The following SPIRE1 variants were observed in gnomAD, a reference collection of about 807,000 sequenced individuals.
SPIRE1 encodes protein spire homolog 1.
A neutral mutation model predicts 94.1 loss-of-function variants in SPIRE1; 40 were observed. That is an observed-to-expected ratio of 0.43 (90% CI 0.33 to 0.55). The LOEUF is 0.55. Among genes scored for constraint, SPIRE1 ranks in the 20% least tolerant of loss-of-function variants. The pLI, the probability that SPIRE1 is intolerant of heterozygous loss-of-function variation, is 0.06. For missense variants in SPIRE1, 838 were observed against 975.2 expected (o/e 0.86, Z 1.87); for synonymous variants, 376 against 371.7 (o/e 1.01, Z -0.13).
rs972017470 is a variant in SPIRE1 at position 12,575,678 on chromosome 18, G to A, written c.373-28774C>T. Among the ~76,000 whole-genome samples, 50 of 152,318 alleles carry A rather than the reference G, an allele frequency of 3.3e-4. 1 individual carries two copies. The highest frequency in any genetic ancestry group is 2.1e-4 in the South Asian group (1 of 4,828). On this transcript the variant is annotated intron_variant, in intron 2 of 16. Transcript: ENST00000409402. Reference sequence around the variant, plus strand: ...TTTATTAAGTGGTAAATAAGCATATGTATTTGCATCTGCATAAGAGTTACT... The same window carrying A: ...TTTATTAAGTGGTAAATAAGCATATATATTTGCATCTGCATAAGAGTTACT...
chr18:12,641,832 CTTTT>C (rs576748359), intron 1 of SPIRE1, among the ~76,000 whole-genome samples: 3 of 125,126 alleles, frequency 2.4e-5, no homozygotes, highest in Admixed American at 8.3e-5. Flanking sequence ...GAATGTTATG[CTTTT>C]TTTTTTTTTT....
intron 10 of SPIRE1, among the ~76,000 whole-genome samples, chr18:12,476,134 T>C (rs1184100329): frequency 6.6e-6 from 1 of 152,218 alleles, no homozygotes; most frequent in Non-Finnish European, 1.5e-5. Flanking sequence ...GTCTCATCAA[T>C]AGAAAGTTTA....
At chr18:12,615,387 A>G (rs61635631) in intron 2 of SPIRE1, among the ~76,000 whole-genome samples, 13,290 of 102,240 alleles carry the variant, frequency 0.13, 1,073 homozygotes, top group East Asian at 0.19. Context: ...TGTATATAAA[A>G]AAAATAGCTA....
chr18:12,643,236 G>A (rs1238481132), intron 1 of SPIRE1, among the ~76,000 whole-genome samples: 1 of 152,128 alleles, frequency 6.6e-6, no homozygotes, highest in Non-Finnish European at 1.5e-5. Flanking sequence ...TTTGTAAACT[G>A]GGTTGATTTG....
At chr18:12,577,804 T>C (rs528429734) in intron 2 of SPIRE1, among the ~76,000 whole-genome samples, 1 of 152,252 alleles carries the variant, frequency 6.6e-6, no homozygotes. Context: ...TTTACATATA[T>C]GTGTATTTAT....
intron 2 of SPIRE1, among the ~76,000 whole-genome samples, chr18:12,614,680 C>T (rs1004253872): frequency 2.5e-4 from 38 of 151,586 alleles, no homozygotes; most frequent in Admixed American, 9.2e-4. Context: ...TAGCCGGGCA[C>T]GGTCACGGGC....
chr18:12,454,081 C>G (rs914130364), intron 13 of SPIRE1, among the ~76,000 whole-genome samples: 17 of 152,150 alleles, frequency 1.1e-4, no homozygotes, highest in Non-Finnish European at 2.1e-4. Context: ...CCATGCCTGG[C>G]CACATGCATG....
chr18:12,523,911 A>T (rs1598434482), intron 4 of SPIRE1, among the ~76,000 whole-genome samples: 2 of 152,186 alleles, frequency 1.3e-5, no homozygotes, highest in South Asian at 4.1e-4. Flanking sequence ...CTCTAGTCTC[A>T]AACTCCTAGG....
chr18:12,591,968 C>CAAAAAAAAAAAAAA (rs35668057), intron 2 of SPIRE1, among the ~76,000 whole-genome samples: 15 of 67,444 alleles, frequency 2.2e-4, no homozygotes, highest in African/African-American at 8.0e-4. Context: ...GACTCCATCT[C>CAAAAAAAAAAAAAA]AAAAAAAAAA....
At chr18:12,508,873 T>C (rs528127176) in intron 5 of SPIRE1, among the ~76,000 whole-genome samples, 1 of 152,216 alleles carries the variant, frequency 6.6e-6, no homozygotes, top group Non-Finnish European at 1.5e-5. Flanking sequence ...ACAGGTTTCG[T>C]CATGTTGGCC....
chr18:12,491,971 A>T (rs954541470), intron 8 of SPIRE1, among the ~76,000 whole-genome samples: 2 of 152,200 alleles, frequency 1.3e-5, no homozygotes, highest in Non-Finnish European at 2.9e-5. Flanking sequence ...CATTGGGAAA[A>T]CAAAATGCAA....
chr18:12,449,697 T>C lies in SPIRE1; in HGVS notation c.2212A>G (p.Met738Val), dbSNP rs376041494. 1.3e-4 allele frequency: 216 copies of C among 1,614,068 alleles called. No homozygotes were observed. Among genetic ancestry groups the C allele is most frequent in the Admixed American group, 6.0e-4 (36 of 59,998 alleles). The change falls in exon 17 of 17, where the codon ATG (methionine) becomes GTG (valine). Residue 738 changes from methionine (M) to valine (V), a missense_variant. Met to Val is a conservative substitution (Grantham distance 21). Around this residue, in one of 2 missense-constraint regions of SPIRE1, gnomAD observed 645 missense variants for 804.7 expected, o/e 0.80. Coordinates refer to ENST00000409402, the MANE Select transcript of SPIRE1 (RefSeq NM_001128626.2). Reference protein sequence around the residue: ...RLKRKTQSFYMSSPGPSEYCP... With the variant: ...RLKRKTQSFYVSSPGPSEYCP... ...TACTCCGAGGGGCCTGGCGAGGACA[T>C]GTAGAAAGACTGCGTTTTCCTTTTC...
chr18:12,477,601 T>C (rs1173313937), intron 10 of SPIRE1, among the ~76,000 whole-genome samples: 1 of 151,978 alleles, frequency 6.6e-6, no homozygotes, highest in Non-Finnish European at 1.5e-5. Context: ...GAGAAATAAG[T>C]GAATAATTAC....
At chr18:12,498,317 GA>G (rs1310513901) in intron 6 of SPIRE1, among the ~76,000 whole-genome samples, 1 of 152,168 alleles carries the variant, frequency 6.6e-6, no homozygotes, top group Non-Finnish European at 1.5e-5. Flanking sequence ...ATGATTCCTG[GA>G]TGAACACAAA....
chr18:12,497,060 T>C (rs1282651160), intron 6 of SPIRE1, among the ~76,000 whole-genome samples: 1 of 151,668 alleles, frequency 6.6e-6, no homozygotes, highest in Non-Finnish European at 1.5e-5. Context: ...AGAGCAAGAC[T>C]CTGTCGCAAA....
chr18:12,461,557 G>GTA (rs1568184210), intron 12 of SPIRE1, among the ~76,000 whole-genome samples: 4 of 124,978 alleles, frequency 3.2e-5, no homozygotes, highest in African/African-American at 1.3e-4. Flanking sequence ...ATACATACAT[G>GTA]CGTGTATATG....
Position 12,627,528 on chromosome 18 carries a change from A to C in SPIRE1, c.372+7534T>G, listed in dbSNP as rs534356516. ...AGTGCCACAGTAAACATATGTGTGC[A>C]TGTGTCTTTATAGTAGCATGATTTA... is the stretch of plus-strand genomic sequence containing the variant. On this transcript the variant is annotated intron_variant, in intron 2 of 16. Transcript: ENST00000409402. Among the ~76,000 whole-genome samples the C allele has an allele frequency of 8.1e-4, 123 of 152,332 alleles. 2 individuals are homozygous for C. In the South Asian group the frequency reaches 0.025, roughly 31 times the overall value.
intron 4 of SPIRE1, among the ~76,000 whole-genome samples, chr18:12,529,858 A>G (rs1304193649): frequency 6.6e-6 from 1 of 152,230 alleles, no homozygotes; most frequent in Non-Finnish European, 1.5e-5. Context: ...CAATATCATG[A>G]ACACATGCTA....
intron 1 of SPIRE1, among the ~76,000 whole-genome samples, chr18:12,642,700 T>C (rs1180597760): frequency 6.6e-6 from 1 of 151,966 alleles, no homozygotes; most frequent in Non-Finnish European, 1.5e-5. Context: ...CACTCATAAG[T>C]GGGAGTTGAA....
Sources: gnomAD v4.1 joint callset for allele counts (sites outside exome capture counted in the v4.1 genomes callset) on GRCh38, gnomAD v4.1.1 for gene constraint, gnomAD v4.1.1 regional missense constraint, MANE v1.5 for transcripts, NCBI Gene and HGNC (gene_info 2026-07-23, HGNC 2026-07-21) for gene names.